The following DLC1 variants were observed in gnomAD, a reference collection of about 807,000 sequenced individuals.
The protein encoded by DLC1 is DLC1 Rho GTPase activating protein.
DLC1 carries 54 observed loss-of-function variants against 140.3 expected under a neutral mutation model. The ratio of observed to expected loss-of-function variants is 0.38; its 90% CI spans 0.31 to 0.48. DLC1 has a LOEUF of 0.48. DLC1 is among the 20% of genes least tolerant of loss of function. The pLI is 0.96. For missense variants in DLC1, 2,536 were observed against 1,907.0 expected (o/e 1.33, Z -6.14); for synonymous variants, 986 against 728.1 (o/e 1.35, Z -5.70).
intron 4 of DLC1, among the ~76,000 whole-genome samples, chr8:13,378,496 C>G (rs1180465920): frequency 6.6e-6 from 1 of 151,728 alleles, no homozygotes; most frequent in Non-Finnish European, 1.5e-5. Flanking sequence ...TTCTTGTGCA[C>G]TATAAATTAC....
At chr8:13,533,861 C>T (rs948341892) in intron 1 of DLC1, among the ~76,000 whole-genome samples, 1 of 152,172 alleles carries the variant, frequency 6.6e-6, no homozygotes, top group Non-Finnish European at 1.5e-5. Flanking sequence ...CTTGCTCTCT[C>T]TCTTTCCCAC....
In DLC1 at chr8:13,088,541, T is replaced by C. The variant is rs1168763457; in HGVS notation, c.4238A>G (p.Gln1413Arg). ...EILDSQTEIY[Q>R]YVQNSMAPHP... ...AGGTGCCATACTGTTTTGGACATAC[T>C]GGTAAATTTCAGTTTGGCTGTCCAG... Residue 1413 changes from glutamine to arginine, a missense_variant, in exon 16 of 18, where the codon CAG (glutamine) becomes CGG (arginine). By Grantham distance (43) the Gln-to-Arg change is conservative. Transcript: ENST00000276297. 3 of 1,614,236 alleles carry C rather than the reference T, an allele frequency of 1.9e-6. No homozygotes were observed. Among genetic ancestry groups the C allele is most frequent in the South Asian group, 1.1e-5 (1 of 91,080 alleles).
intron 5 of DLC1, among the ~76,000 whole-genome samples, chr8:13,286,124 A>T (rs1405716937): frequency 6.6e-6 from 1 of 152,248 alleles, no homozygotes; most frequent in Non-Finnish European, 1.5e-5. Flanking sequence ...ATAAGATTTC[A>T]CAGAACATAT....
Position 13,413,256 on chromosome 8 carries a change from A to ATTTTTTTTTTTTTTTTTTTTTTT in DLC1, c.1024-11638_1024-11637insAAAAAAAAAAAAAAAAAAAAAAA, listed in dbSNP as rs58038503. On this transcript the variant is annotated intron_variant, in intron 2 of 17. Transcript: ENST00000276297. ...TAAAACATTATGAGATTTTTTTGCGATTTTTTTTTTTTTTTTTTTTTAGCT... is the reference window on the plus strand; with the variant it reads ...TAAAACATTATGAGATTTTTTTGCGATTTTTTTTTTTTTTTTTTTTTTTTTTTTTTTTTTTTTTTTTTTTAGCT... Among the ~76,000 whole-genome samples, 48 of 82,014 alleles carry ATTTTTTTTTTTTTTTTTTTTTTT rather than the reference A, an allele frequency of 5.9e-4. 6 individuals carry two copies. The highest frequency in any genetic ancestry group is 6.8e-3 in the Middle Eastern group (1 of 146). The allele number at this position is 82,014 out of a possible 152,430, so 53.8% of individuals were successfully genotyped here.
At chr8:13,153,534 C>G (rs776165588) in intron 5 of DLC1, among the ~76,000 whole-genome samples, 3 of 152,230 alleles carry the variant, frequency 2.0e-5, no homozygotes, top group Non-Finnish European at 4.4e-5. Context: ...CAGCAGCCTG[C>G]TCTTATTCCC....
intron 1 of DLC1, among the ~76,000 whole-genome samples, chr8:13,565,335 G>T (rs1383352951): frequency 6.6e-6 from 1 of 152,130 alleles, no homozygotes; most frequent in Non-Finnish European, 1.5e-5. Context: ...CTTGTTCAAT[G>T]TTATGGATAA....
intron 5 of DLC1, among the ~76,000 whole-genome samples, chr8:13,261,177 C>T (rs1830455240): frequency 6.6e-6 from 1 of 152,144 alleles, no homozygotes; most frequent in Admixed American, 6.5e-5. Flanking sequence ...GCAATTGGTT[C>T]AGAGGAGAAT....
At chr8:13,463,405 G>A (rs911687005) in intron 2 of DLC1, among the ~76,000 whole-genome samples, 2 of 152,092 alleles carry the variant, frequency 1.3e-5, no homozygotes, top group African/African-American at 2.4e-5. Flanking sequence ...AGGACATGGA[G>A]TACTTTCTTC....
intron 1 of DLC1, among the ~76,000 whole-genome samples, chr8:13,529,870 A>G (rs987165586): frequency 1.2e-4 from 18 of 152,188 alleles, no homozygotes; most frequent in African/African-American, 3.4e-4. Context: ...GCTCAAGGCC[A>G]TGTTTATTTC....
At chr8:13,197,022 T>G (rs773935448) in intron 5 of DLC1, among the ~76,000 whole-genome samples, 4 of 152,340 alleles carry the variant, frequency 2.6e-5, no homozygotes, top group Non-Finnish European at 5.9e-5. Context: ...ATGTATCCAG[T>G]AGTTGTTTTT....
At chr8:13,309,898 T>A (rs1178850901) in intron 4 of DLC1, among the ~76,000 whole-genome samples, 2 of 152,176 alleles carry the variant, frequency 1.3e-5, no homozygotes, top group African/African-American at 4.8e-5. Context: ...AGGAATATGC[T>A]TTTTTTCTAC....
At chr8:13,097,047 C>T (rs1253658748) in intron 10 of DLC1, among the ~76,000 whole-genome samples, 3 of 152,102 alleles carry the variant, frequency 2.0e-5, no homozygotes, top group Non-Finnish European at 4.4e-5. Context: ...CTACCCCTCA[C>T]ATTCTATATA....
At chr8:13,502,701 G>T (rs1379215488) in intron 1 of DLC1, among the ~76,000 whole-genome samples, 1 of 152,156 alleles carries the variant, frequency 6.6e-6, no homozygotes, top group Admixed American at 6.5e-5. Flanking sequence ...CCTCCTCACT[G>T]GGCCGCCTTA....
intron 2 of DLC1, among the ~76,000 whole-genome samples, chr8:13,413,497 C>CAT (rs908561217): frequency 6.5e-5 from 7 of 107,798 alleles, no homozygotes; most frequent in Admixed American, 3.3e-4. Context: ...TGTGTGTGCA[C>CAT]ACATATATAT....
rs774727594 is a variant in DLC1, at chr8:13,276,385, C to T, written c.1348+28884G>A. 5 of 1,504,028 alleles carry T rather than the reference C, an allele frequency of 3.3e-6. No homozygotes were observed. The South Asian group carries it at 6.1e-5, about 18-fold the overall frequency. 93.2% of individuals were successfully genotyped at this position (1,504,028 alleles called of 1,614,324 possible). The stretch of plus-strand genomic sequence containing the variant: ...CGCAGGGGGCGCGCCATCACGTGGG[C>T]CTTGGGGTCCCCCATCCGCTCGCAG... On this transcript the variant is annotated intron_variant, in intron 5 of 17. Coordinates refer to ENST00000276297, the MANE Select transcript of DLC1 (RefSeq NM_182643.3).
At chr8:13,273,304 T>A (rs1019265145) in intron 5 of DLC1, among the ~76,000 whole-genome samples, 2 of 152,192 alleles carry the variant, frequency 1.3e-5, no homozygotes, top group African/African-American at 4.8e-5. Context: ...GTCCCCTGCA[T>A]CACTCAACCA....
At chr8:13,473,461 A>G (rs1301093785) in intron 2 of DLC1, among the ~76,000 whole-genome samples, 1 of 152,124 alleles carries the variant, frequency 6.6e-6, no homozygotes, top group Admixed American at 6.6e-5. Flanking sequence ...TCCTTCTGCC[A>G]TGATACAGTA....
intron 1 of DLC1, among the ~76,000 whole-genome samples, chr8:13,603,147 C>G (rs972535021): frequency 6.6e-6 from 1 of 151,782 alleles, no homozygotes; most frequent in African/African-American, 2.4e-5. Flanking sequence ...TAAAAGAACT[C>G]TTAAGTCACA....
chr8:13,231,523 T>C (rs1382465744), intron 5 of DLC1, among the ~76,000 whole-genome samples: 1 of 152,248 alleles, frequency 6.6e-6, no homozygotes, highest in African/African-American at 2.4e-5. Flanking sequence ...AAGGAATACA[T>C]GCCTCTTGAA....
Sources: allele counts gnomAD v4.1 joint callset (sites outside exome capture counted in the v4.1 genomes callset), GRCh38; gene constraint gnomAD v4.1.1; transcripts MANE v1.5; gene names NCBI Gene and HGNC (gene_info 2026-07-23, HGNC 2026-07-21).